The following DNER variants were observed in gnomAD, a reference collection of about 807,000 sequenced individuals.
DNER encodes delta/notch like EGF repeat containing.
Under a neutral mutation model 78.2 loss-of-function variants are expected in DNER, and 33 were observed. The observed-to-expected ratio is 0.42, with a 90% CI of 0.32 to 0.56. The LOEUF is 0.56. Ranked by LOEUF, DNER falls within the 20% of genes least tolerant of loss-of-function variation. The pLI is 0.11. For missense variants in DNER, 918 were observed against 975.3 expected, an observed-to-expected ratio of 0.94 and a Z score of 0.78; for synonymous variants, 417 against 384.8, an observed-to-expected ratio of 1.08 and a Z score of -0.98.
chr2:229,493,964 A>T (rs537575974), intron 6 of DNER, among the ~76,000 whole-genome samples: 1 of 152,186 alleles, frequency 6.6e-6, no homozygotes, highest in South Asian at 2.1e-4. Flanking sequence ...GGCAGACAGT[A>T]TCAGGTTTGT....
intron 8 of DNER, among the ~76,000 whole-genome samples, chr2:229,428,295 G>C (rs2106353845): frequency 6.6e-6 from 1 of 152,166 alleles, no homozygotes; most frequent in Non-Finnish European, 1.5e-5. Context: ...GGAAATCACG[G>C]CTGGGATGAG....
At chr2:229,376,901 A>G (rs1382585869) in intron 11 of DNER, among the ~76,000 whole-genome samples, 3 of 152,234 alleles carry the variant, frequency 2.0e-5, no homozygotes, top group East Asian at 3.8e-4. Flanking sequence ...ACCTATTTGT[A>G]TAATAAGAAC....
At chr2:229,639,395 C>T (rs1292574715) in intron 1 of DNER, among the ~76,000 whole-genome samples, 2 of 152,078 alleles carry the variant, frequency 1.3e-5, no homozygotes, top group African/African-American at 4.8e-5. Flanking sequence ...GCTGGGATTA[C>T]AGGTGTCCAT....
chr2:229,468,453 A>T (rs1412990170), intron 7 of DNER, among the ~76,000 whole-genome samples: 1 of 152,134 alleles, frequency 6.6e-6, no homozygotes, highest in African/African-American at 2.4e-5. Flanking sequence ...TCGATGGATC[A>T]GCTGACACCA....
chr2:229,632,485 G>A (rs1698447448), intron 1 of DNER, among the ~76,000 whole-genome samples: 1 of 152,022 alleles, frequency 6.6e-6, no homozygotes, highest in African/African-American at 2.4e-5. Flanking sequence ...AGCACTAACT[G>A]GTACACAAAT....
chr2:229,584,909 A>G (rs558340331), intron 4 of DNER, among the ~76,000 whole-genome samples: 368 of 151,884 alleles, frequency 2.4e-3, no homozygotes, highest in African/African-American at 5.0e-3. Flanking sequence ...AAAAAAAAAA[A>G]AAGAAGAAGA....
Position 229,699,011 on chromosome 2 carries a change from A to G in DNER, c.276+15137T>C, listed in dbSNP as rs1403302742. 2.6e-5 allele frequency among the ~76,000 whole-genome samples: 4 copies of G among 152,334 alleles called. No individual in the cohort carries two copies. The East Asian group carries it at 7.7e-4, about 29-fold the overall frequency. On this transcript the variant is annotated intron_variant, in intron 1 of 12. Transcript: ENST00000341772. ...AAAAATACAATATGGAGAGTAAAGC[A>G]TAAGGGAAATTTGCATTTTGCTGAA...
chr2:229,489,653 T>C (rs1176533845), intron 6 of DNER, among the ~76,000 whole-genome samples: 1 of 151,920 alleles, frequency 6.6e-6, no homozygotes, highest in East Asian at 1.9e-4. Context: ...GCCATCCACC[T>C]TGAGGTGATG....
intron 11 of DNER, among the ~76,000 whole-genome samples, chr2:229,368,626 G>C (rs1692405116): frequency 6.6e-6 from 1 of 152,144 alleles, no homozygotes; most frequent in Non-Finnish European, 1.5e-5. Context: ...AAGGTCAAAA[G>C]GATAGTATGA....
intron 1 of DNER, among the ~76,000 whole-genome samples, chr2:229,621,407 G>A (rs1332363889): frequency 2.0e-5 from 3 of 152,110 alleles, no homozygotes; most frequent in Non-Finnish European, 4.4e-5. Context: ...GGCTGGCCCC[G>A]ATGCTACTTC....
intron 1 of DNER, among the ~76,000 whole-genome samples, chr2:229,689,865 T>G (rs955323211): frequency 6.6e-6 from 1 of 152,228 alleles, no homozygotes; most frequent in Non-Finnish European, 1.5e-5. Context: ...TTATAGAGTC[T>G]GACTTCTGGA....
intron 1 of DNER, among the ~76,000 whole-genome samples, chr2:229,612,870 C>T (rs1698074655): frequency 6.6e-6 from 1 of 152,220 alleles, no homozygotes; most frequent in Non-Finnish European, 1.5e-5. Flanking sequence ...CTTAAAGTGA[C>T]AAGTTCTATT....
chr2:229,559,305 T>C (rs905411062), intron 4 of DNER, among the ~76,000 whole-genome samples: 3 of 152,088 alleles, frequency 2.0e-5, no homozygotes, highest in Admixed American at 2.0e-4. Context: ...GAAAGTGTAC[T>C]TAGGGAGAGA....
chr2:229,584,974 C>T (rs955797134), intron 4 of DNER, among the ~76,000 whole-genome samples: 2 of 150,434 alleles, frequency 1.3e-5, no homozygotes, highest in South Asian at 4.2e-4. Flanking sequence ...GGTTAAACTA[C>T]AGAAGCAAGT....
chr2:229,428,895 G>C (rs1693944010), intron 8 of DNER, among the ~76,000 whole-genome samples: 1 of 152,040 alleles, frequency 6.6e-6, no homozygotes, highest in Non-Finnish European at 1.5e-5. Context: ...GAGAGACCCA[G>C]AGTTATCAAG....
rs182266542 is a variant in DNER, at chr2:229,666,698, C to T, written c.276+47450G>A. Among the ~76,000 whole-genome samples, 415 of 152,240 alleles carry T rather than the reference C, an allele frequency of 2.7e-3. 2 individuals are homozygous for T. Among genetic ancestry groups the T allele is most frequent in the Non-Finnish European group, 4.3e-3 (295 of 68,024 alleles). On this transcript the variant is annotated intron_variant, in intron 1 of 12. Transcript: ENST00000341772. ...CAGCTGTTTTACAGAAAGTGCTAAC[C>T]CATATCATGATTTCTGACCATGACC...
At chr2:229,468,231 A>G (rs1694845911) in intron 7 of DNER, among the ~76,000 whole-genome samples, 1 of 152,248 alleles carries the variant, frequency 6.6e-6, no homozygotes, top group Admixed American at 6.5e-5. Flanking sequence ...AAAATTGCTA[A>G]TAGCCCTTTC....
intron 5 of DNER, among the ~76,000 whole-genome samples, chr2:229,525,540 C>A (rs1357800151): frequency 1.3e-5 from 2 of 152,068 alleles, no homozygotes; most frequent in African/African-American, 4.8e-5. Context: ...AAAAAAAGTT[C>A]TTCAGTATTT....
intron 6 of DNER, among the ~76,000 whole-genome samples, chr2:229,492,588 G>A (rs747945314): frequency 3.9e-5 from 6 of 152,186 alleles, no homozygotes; most frequent in Non-Finnish European, 7.3e-5. Context: ...ACAGCCTTAT[G>A]GAGTCAATAT....
Sources: gnomAD v4.1 joint callset for allele counts (sites outside exome capture counted in the v4.1 genomes callset) on GRCh38, gnomAD v4.1.1 for gene constraint, MANE v1.5 for transcripts, NCBI Gene and HGNC (gene_info 2026-07-23, HGNC 2026-07-21) for gene names.